Variants in C8A observed in about 807,000 individuals in gnomAD.
The protein encoded by C8A is complement component C8 alpha chain.
In C8A, 67 loss-of-function variants were observed where a neutral mutation model predicts 65.3. The ratio of observed to expected loss-of-function variants is 1.03; its 90% CI spans 0.84 to 1.26. The LOEUF (loss-of-function observed/expected upper bound fraction) is 1.26. C8A is among the 50% of genes most tolerant of loss of function. The probability of loss-of-function intolerance (pLI) is 0.00; values close to 1 mark genes in which losing one functional copy is unlikely to be tolerated. For missense variants in C8A, 781 were observed against 723.9 expected, an observed-to-expected ratio of 1.08 and a Z score of -0.90; for synonymous variants, 290 against 259.4, an observed-to-expected ratio of 1.12 and a Z score of -1.13.
At chr1:56,857,924 C>T (rs1174961325) in intron 1 of C8A, among the ~76,000 whole-genome samples, 1 of 151,974 alleles carries the variant, frequency 6.6e-6, no homozygotes, top group Non-Finnish European at 1.5e-5. Flanking sequence ...GATGCTCTTT[C>T]TTATTTTGTT....
At position 56,907,796 on chromosome 1, in the gene C8A, C is replaced by T. The variant is rs1644477513; in HGVS notation, c.1223-160C>T. ...TCTATTTCTGAGTCTTGGTCCTTCC[C>T]TTCTGCCTTGTCCTGCTAGCTAACC... On this transcript the variant is annotated intron_variant, in intron 8 of 10. Transcript: ENST00000361249. Among the ~76,000 whole-genome samples, 4 of 152,048 alleles carry T rather than the reference C, an allele frequency of 2.6e-5. No individual in the cohort carries two copies. In the South Asian group the frequency reaches 8.3e-4, roughly 32 times the overall value.
At chr1:56,876,462 C>G (rs1319717600) in intron 4 of C8A, among the ~76,000 whole-genome samples, 1 of 151,824 alleles carries the variant, frequency 6.6e-6, no homozygotes, top group South Asian at 2.1e-4. Flanking sequence ...TCTCCCTTCA[C>G]CCCAGTGCCA....
At chr1:56,900,065 C>T (rs1380903118) in intron 7 of C8A, among the ~76,000 whole-genome samples, 1 of 152,180 alleles carries the variant, frequency 6.6e-6, no homozygotes, top group Non-Finnish European at 1.5e-5. Context: ...AGGAGGAAGA[C>T]ATGGGACTGT....
intron 3 of C8A, among the ~76,000 whole-genome samples, chr1:56,875,565 T>A (rs567742455): frequency 6.6e-6 from 1 of 152,260 alleles, no homozygotes; most frequent in East Asian, 1.9e-4. Context: ...CTGGGTGGGC[T>A]TTGAAATGGT....
In C8A at chr1:56,883,446, T is replaced by C. The variant is rs199851044; in HGVS notation, c.655-35T>C. On this transcript the variant is annotated intron_variant, in intron 5 of 10. Coordinates refer to ENST00000361249, the MANE Select transcript of C8A (RefSeq NM_000562.3). ...ATATGAATTGAGAAATGGCTCTATGTGCACAAAGCTAATATCTATCCTTTT... is the reference window on the plus strand; with the variant it reads ...ATATGAATTGAGAAATGGCTCTATGCGCACAAAGCTAATATCTATCCTTTT... 462 of 1,554,242 alleles carry C rather than the reference T, an allele frequency of 3.0e-4. 3 individuals are homozygous for C. Among genetic ancestry groups the C allele is most frequent in the Admixed American group, 7.2e-4 (43 of 59,830 alleles).
chr1:56,860,491 T>A (rs55905193), intron 1 of C8A, among the ~76,000 whole-genome samples: 2,254 of 152,324 alleles, frequency 0.015, 23 homozygotes, highest in Middle Eastern at 0.031. Flanking sequence ...AAGGATGTTA[T>A]CTGATTTCTC....
At chr1:56,912,377 G>T in intron 9 of C8A, 26 bp from the exon 10 acceptor site, 2 of 1,603,794 alleles carry the variant, frequency 1.2e-6, no homozygotes, top group Non-Finnish European at 1.7e-6. Flanking sequence ...CCAGGGAGGG[G>T]CCCTGTGTTC....
intron 7 of C8A, among the ~76,000 whole-genome samples, chr1:56,903,159 G>A (rs962746153): frequency 6.6e-6 from 1 of 152,132 alleles, no homozygotes; most frequent in Admixed American, 6.6e-5. Flanking sequence ...ATATGGTTTG[G>A]CTGTGTCCCC....
At chr1:56,882,129 G>C (rs1345186495) in intron 5 of C8A, among the ~76,000 whole-genome samples, 1 of 151,998 alleles carries the variant, frequency 6.6e-6, no homozygotes, top group African/African-American at 2.4e-5. Flanking sequence ...ATGAAGCAAG[G>C]GTTCTTCTGT....
chr1:56,916,578 T>C (rs1644554626), intron 10 of C8A, among the ~76,000 whole-genome samples: 1 of 152,192 alleles, frequency 6.6e-6, no homozygotes. Flanking sequence ...CACTGTGATC[T>C]GAGGAGCCCT....
intron 2 of C8A, among the ~76,000 whole-genome samples, chr1:56,872,161 A>G (rs1400109359): frequency 6.6e-6 from 1 of 152,178 alleles, no homozygotes; most frequent in Non-Finnish European, 1.5e-5. Context: ...CTTTCTTTGG[A>G]CCTTGGATAA....
chr1:56,913,006 T>C (rs760228469), intron 10 of C8A, among the ~76,000 whole-genome samples: 17 of 152,178 alleles, frequency 1.1e-4, no homozygotes, highest in Non-Finnish European at 1.9e-4. Context: ...TTGGCTAGGT[T>C]GGTTCCTGCC....
intron 1 of C8A, among the ~76,000 whole-genome samples, chr1:56,866,205 T>A (rs933721405): frequency 2.0e-5 from 3 of 152,228 alleles, no homozygotes; most frequent in African/African-American, 7.2e-5. Context: ...ACAGATTGGA[T>A]GAAGAAGCAG....
At chr1:56,911,853 G>T (rs1774897) in intron 9 of C8A, among the ~76,000 whole-genome samples, 15,567 of 152,206 alleles carry the variant, frequency 0.1, 1,247 homozygotes, top group African/African-American at 0.22. Context: ...TTCCTGCATT[G>T]AAGGCTGACA....
Position 56,863,192 on chromosome 1 carries a change from G to T in C8A, c.78-4417G>T, listed in dbSNP as rs150491061. 3.0e-3 allele frequency among the ~76,000 whole-genome samples: 454 copies of T among 152,168 alleles called. 2 individuals carry two copies. The highest frequency in any genetic ancestry group is 0.01 in the Middle Eastern group (3 of 294). On this transcript the variant is annotated intron_variant, in intron 1 of 10. Coordinates refer to ENST00000361249, the MANE Select transcript of C8A (RefSeq NM_000562.3). ...ATTTGGGGCAATTCTTTTCATTTAT[G>T]ATCTTTCTTATGTTCTCTGTAATGA...
intron 1 of C8A, among the ~76,000 whole-genome samples, chr1:56,861,174 C>T (rs1215254175): frequency 6.6e-6 from 1 of 152,132 alleles, no homozygotes; most frequent in Non-Finnish European, 1.5e-5. Context: ...AGGTACTGTT[C>T]TGGGCCCTGG....
chr1:56,868,161 T>C (rs1644109754), intron 2 of C8A, among the ~76,000 whole-genome samples: 1 of 151,920 alleles, frequency 6.6e-6, no homozygotes, highest in African/African-American at 2.4e-5. Context: ...AGAGGTGTGT[T>C]TACTTTGCCT....
intron 7 of C8A, among the ~76,000 whole-genome samples, chr1:56,895,171 A>T (rs924930789): frequency 2.0e-5 from 3 of 152,116 alleles, no homozygotes; most frequent in Admixed American, 1.3e-4. Context: ...CCAAGTACTC[A>T]TCCCTTTTTC....
Position 56,885,475 on chromosome 1 carries a change from T to A in C8A, c.856-452T>A, listed in dbSNP as rs183494085. Among the ~76,000 whole-genome samples, 180 of 102,986 alleles carry A rather than the reference T, an allele frequency of 1.7e-3. 2 individuals carry two copies. The highest frequency in any genetic ancestry group is 8.5e-3 in the South Asian group (27 of 3,162). The allele number at this position is 102,986 out of a possible 152,430, so 67.6% of individuals were successfully genotyped here. A position where few individuals can be genotyped will look rare whatever the true frequency, so the allele number is the denominator to read the frequency against. ...ATATATTTCCGTAAATATATATTTATTTAAATATATATTTACGTAAATACA... is the reference window on the plus strand; with the variant it reads ...ATATATTTCCGTAAATATATATTTAATTAAATATATATTTACGTAAATACA... On this transcript the variant is annotated intron_variant, in intron 6 of 10. Transcript: ENST00000361249.
Sources: allele counts gnomAD v4.1 joint callset (sites outside exome capture counted in the v4.1 genomes callset), GRCh38; gene constraint gnomAD v4.1.1; transcripts MANE v1.5; gene names NCBI Gene and HGNC (gene_info 2026-07-23, HGNC 2026-07-21).